Variants in CNTNAP5 observed in about 807,000 individuals in gnomAD.
The protein encoded by CNTNAP5 is contactin associated protein family member 5, also known as contactin-associated protein-like 5.
In CNTNAP5, 72 loss-of-function variants were observed where a neutral mutation model predicts 150.2. The ratio of observed to expected loss-of-function variants is 0.48; its 90% CI spans 0.40 to 0.58. CNTNAP5 has a LOEUF of 0.58. Ranked by LOEUF, CNTNAP5 falls within the 20% of genes least tolerant of loss-of-function variation. The pLI, the probability that CNTNAP5 is intolerant of heterozygous loss-of-function variation, is 0.00. For missense variants in CNTNAP5, 1,636 were observed against 1,626.2 expected (o/e 1.01, Z -0.10); for synonymous variants, 672 against 619.8 (o/e 1.08, Z -1.25).
chr2:124,606,765 C>G (rs1377013358), intron 11 of CNTNAP5, among the ~76,000 whole-genome samples: 1 of 152,120 alleles, frequency 6.6e-6, no homozygotes, highest in Non-Finnish European at 1.5e-5. Flanking sequence ...TAAAAATGAT[C>G]AGATCTCTTG....
intron 22 of CNTNAP5, among the ~76,000 whole-genome samples, chr2:124,909,713 C>T (rs1162741398): frequency 6.7e-6 from 1 of 150,160 alleles, no homozygotes; most frequent in African/African-American, 2.5e-5. Flanking sequence ...TCTCTCCCTC[C>T]CCCTTTTATT....
At chr2:124,740,180 TAC>T (rs755940587) in intron 13 of CNTNAP5, among the ~76,000 whole-genome samples, 1 of 151,776 alleles carries the variant, frequency 6.6e-6, no homozygotes, top group Admixed American at 6.6e-5. Context: ...CACATGCACA[TAC>T]ACACACACAA....
At chr2:124,497,796 CT>C (rs1020364912) in intron 7 of CNTNAP5, among the ~76,000 whole-genome samples, 93 of 152,272 alleles carry the variant, frequency 6.1e-4, no homozygotes, top group African/African-American at 1.8e-3. Flanking sequence ...TCAGTCTATT[CT>C]TTCTATTATA....
rs1322191776 is a variant in CNTNAP5, at chr2:124,495,374, G to A, written c.1063-8918G>A. Reference sequence around the variant, plus strand: ...GATTCATAGTTCCAAATAGCTTTGTGCAATATTTGCTAACGGATATTAAAA... The same window carrying A: ...GATTCATAGTTCCAAATAGCTTTGTACAATATTTGCTAACGGATATTAAAA... On this transcript the variant is annotated intron_variant, in intron 7 of 23. Coordinates refer to ENST00000682447, the MANE Select transcript of CNTNAP5 (RefSeq NM_001367498.1). 2.6e-5 allele frequency among the ~76,000 whole-genome samples: 4 copies of A among 152,140 alleles called. No individual in the cohort carries two copies. The East Asian group carries it at 7.7e-4, about 29-fold the overall frequency.
chr2:124,404,490 A>T (rs1185080808), intron 3 of CNTNAP5, among the ~76,000 whole-genome samples: 1 of 152,104 alleles, frequency 6.6e-6, no homozygotes, highest in Non-Finnish European at 1.5e-5. Flanking sequence ...GTCTCCCCAT[A>T]CCATGACCTG....
chr2:124,808,924 A>G (rs917517013), intron 19 of CNTNAP5, among the ~76,000 whole-genome samples: 3 of 152,056 alleles, frequency 2.0e-5, no homozygotes, highest in Non-Finnish European at 4.4e-5. Context: ...ACACTGGGCT[A>G]TGGGATCCCT....
intron 1 of CNTNAP5, among the ~76,000 whole-genome samples, chr2:124,121,494 C>T (rs137876370): frequency 6.6e-6 from 1 of 152,344 alleles, no homozygotes; most frequent in African/African-American, 2.4e-5. Flanking sequence ...GGAGAGACTG[C>T]TGTGCATGAT....
intron 19 of CNTNAP5, among the ~76,000 whole-genome samples, chr2:124,799,452 C>T (rs1681919214): frequency 6.6e-6 from 1 of 152,156 alleles, no homozygotes; most frequent in African/African-American, 2.4e-5. Flanking sequence ...AAACACTGTC[C>T]TGTGATCAAG....
rs528073274 is a variant in CNTNAP5, at chr2:124,619,067, G to C, written c.1876+9147G>C. 2.6e-5 allele frequency among the ~76,000 whole-genome samples: 4 copies of C among 152,270 alleles called. No individual in the cohort carries two copies. In the East Asian group the frequency reaches 7.7e-4, roughly 29 times the overall value. ...AAGAAAAACTGTGACATGCTTAAAC[G>C]TAATATTTTGTCAAAAGGTAGTTCT... On this transcript the variant is annotated intron_variant, in intron 12 of 23. Coordinates refer to ENST00000682447, the MANE Select transcript of CNTNAP5 (RefSeq NM_001367498.1).
At chr2:124,576,795 A>C (rs574015369) in intron 11 of CNTNAP5, among the ~76,000 whole-genome samples, 2 of 152,304 alleles carry the variant, frequency 1.3e-5, no homozygotes, top group South Asian at 2.1e-4. Context: ...TCTATGTCTT[A>C]AAATTTTTTA....
intron 13 of CNTNAP5, among the ~76,000 whole-genome samples, chr2:124,691,897 C>T (rs1336169620): frequency 6.6e-6 from 1 of 152,130 alleles, no homozygotes; most frequent in African/African-American, 2.4e-5. Context: ...AATCGTTTTC[C>T]TTCCCCATGA....
At chr2:124,107,877 T>G (rs771470989) in intron 1 of CNTNAP5, among the ~76,000 whole-genome samples, 2 of 152,222 alleles carry the variant, frequency 1.3e-5, no homozygotes, top group Non-Finnish European at 1.5e-5. Flanking sequence ...TCAATATATG[T>G]AAGATGTGCA....
intron 13 of CNTNAP5, among the ~76,000 whole-genome samples, chr2:124,685,766 G>T (rs998313363): frequency 7.4e-6 from 1 of 134,784 alleles, no homozygotes; most frequent in Non-Finnish European, 1.6e-5. Context: ...GTGTGTGCGC[G>T]CGCGTGTTAT....
At chr2:124,408,223 G>C (rs377145334) in intron 3 of CNTNAP5, among the ~76,000 whole-genome samples, 1 of 150,608 alleles carries the variant, frequency 6.6e-6, no homozygotes, top group Non-Finnish European at 1.5e-5. Flanking sequence ...CACCTGGCTC[G>C]GAGGGTCCTA....
chr2:124,427,581 C>T (rs997421676), intron 4 of CNTNAP5, among the ~76,000 whole-genome samples: 15 of 151,842 alleles, frequency 9.9e-5, no homozygotes, highest in African/African-American at 2.9e-4. Flanking sequence ...CTCAGCCTCC[C>T]GAGTAGCTGG....
chr2:124,520,178 G>A (rs1694819962), intron 8 of CNTNAP5, among the ~76,000 whole-genome samples: 1 of 152,104 alleles, frequency 6.6e-6, no homozygotes, highest in African/African-American at 2.4e-5. Context: ...GATATCAGTA[G>A]CATTCTTGGA....
rs577174405 is a variant in CNTNAP5, at chr2:124,882,659, A to G, written c.3436+12897A>G. ...AATATGCACATTTCAGATGCAGATC[A>G]CATCAGCTGCTTTAGGTCTGTGAAC... On this transcript the variant is annotated intron_variant, in intron 21 of 23. Coordinates refer to ENST00000682447, the MANE Select transcript of CNTNAP5 (RefSeq NM_001367498.1). 2.0e-5 allele frequency among the ~76,000 whole-genome samples: 3 copies of G among 152,232 alleles called. No homozygotes were observed. In the East Asian group the frequency reaches 5.8e-4, roughly 30 times the overall value.
chr2:124,407,357 T>C (rs2104764633), intron 3 of CNTNAP5, among the ~76,000 whole-genome samples: 1 of 152,344 alleles, frequency 6.6e-6, no homozygotes, highest in South Asian at 2.1e-4. Context: ...CCTTCATATT[T>C]GAAAGCTATT....
At chr2:124,408,235 G>C (rs1318247615) in intron 3 of CNTNAP5, among the ~76,000 whole-genome samples, 13 of 151,764 alleles carry the variant, frequency 8.6e-5, no homozygotes, top group Admixed American at 7.9e-4. Context: ...AGGGTCCTAC[G>C]CCCACGGAGT....
Sources: gnomAD v4.1 joint callset for allele counts (sites outside exome capture counted in the v4.1 genomes callset) on GRCh38, gnomAD v4.1.1 for gene constraint, MANE v1.5 for transcripts, NCBI Gene and HGNC (gene_info 2026-07-23, HGNC 2026-07-21) for gene names.